NADK: variants seen among roughly 807,000 people sequenced by gnomAD.
NADK encodes the protein poly(P)/ATP NAD kinase.
A neutral mutation model predicts 49.8 loss-of-function variants in NADK; 22 were observed. The ratio of observed to expected loss-of-function variants is 0.44; its 90% CI spans 0.32 to 0.63. The LOEUF is 0.63. NADK is among the 30% of genes least tolerant of loss of function. NADK has a pLI of 0.06. For missense variants in NADK, 438 were observed against 609.4 expected (o/e 0.72, Z 2.96); for synonymous variants, 268 against 253.7 (o/e 1.06, Z -0.54).
rs1358932288 is a variant in NADK, at chr1:1,769,550, C to CA, written c.-40-4105dup. On this transcript the variant is annotated intron_variant, in intron 1 of 11. Coordinates refer to ENST00000341426, the MANE Select transcript of NADK (RefSeq NM_023018.5). ...TGGGCAACAGAGCGAGACTCCGTCT[C>CA]AAAAAAAAAACAAAAAACAAAAAAC... 6.3e-3 allele frequency among the ~76,000 whole-genome samples: 899 copies of CA among 142,656 alleles called. 3 individuals carry two copies. The highest frequency in any genetic ancestry group is 0.016 in the African/African-American group (619 of 38,852). 93.6% of individuals were successfully genotyped at this position (142,656 alleles called of 152,430 possible).
intron 3 of NADK, among the ~76,000 whole-genome samples, chr1:1,761,485 C>G (rs1298005681): frequency 2.0e-5 from 3 of 152,220 alleles, no homozygotes; most frequent in African/African-American, 7.2e-5. Context: ...TTGCGTTTTT[C>G]CCATGACACT....
Position 1,754,693 on chromosome 1 carries a change from C to A in NADK, c.694G>T (p.Ala232Ser). 1 of 1,610,734 alleles carries A rather than the reference C, an allele frequency of 6.2e-7. No homozygotes were observed. ...AGCCGACTCCGGAGAACAACAGCTG[C>A]GTTCCCTGAGGTCCAGCAGGAGTCA... ...SQVTQVIEGN[A>S]AVVLRSRLKV... is the part of the protein sequence containing the mutation. The change falls in exon 8 of 12, where the codon GCA becomes TCA. Residue 232 changes from alanine to serine, a missense_variant. Ala to Ser is a moderately conservative substitution (Grantham distance 99). Transcript: ENST00000341426. The surrounding 1 kb of genome is among the most constrained non-coding windows in gnomAD (Gnocchi z 4.3).
chr1:1,768,321 T>C (rs1645946643), intron 1 of NADK, among the ~76,000 whole-genome samples: 1 of 151,820 alleles, frequency 6.6e-6, no homozygotes, highest in South Asian at 2.1e-4. Context: ...GAGGATCACT[T>C]GAGGCCAGGA....
At chr1:1,755,869 A>G (rs931599161) in intron 6 of NADK, 34 of 442,412 alleles carry the variant, frequency 7.7e-5, no homozygotes, top group African/African-American at 5.9e-4. Flanking sequence ...GCAGTGGGCC[A>G]AGGGCAGAGC....
At chr1:1,763,792 C>A (rs542040686) in intron 2 of NADK, among the ~76,000 whole-genome samples, 1 of 152,108 alleles carries the variant, frequency 6.6e-6, no homozygotes, top group South Asian at 2.1e-4. Flanking sequence ...CCTCCTCCCC[C>A]ACCTCACCCT....
At chr1:1,758,896 G>A (rs552516684) in intron 3 of NADK, among the ~76,000 whole-genome samples, 22 of 152,266 alleles carry the variant, frequency 1.4e-4, no homozygotes, top group South Asian at 4.1e-4. Context: ...TCTGGCCCGC[G>A]GAACCGGCTG....
At chr1:1,760,519 G>C (rs1645686540) in intron 3 of NADK, among the ~76,000 whole-genome samples, 1 of 152,130 alleles carries the variant, frequency 6.6e-6, no homozygotes, top group Admixed American at 6.5e-5. Flanking sequence ...ACCGGTGCCT[G>C]TCAGCAAAGG....
At chr1:1,753,943 C>G (rs532498007) in intron 10 of NADK, 108 bp downstream of exon 10, 2 of 1,386,162 alleles carry the variant, frequency 1.4e-6, no homozygotes, top group Non-Finnish European at 1.9e-6. Flanking sequence ...GACGAGGCCG[C>G]GTCTGAGGCT....
chr1:1,757,399 T>TC, intron 3 of NADK, 89 bp from the exon 4 acceptor site: 8 of 1,239,092 alleles, frequency 6.5e-6, no homozygotes, highest in Non-Finnish European at 9.1e-6. Context: ...AAAAAAATCT[T>TC]TAAAAAGGTG....
intron 1 of NADK, among the ~76,000 whole-genome samples, chr1:1,767,228 C>G (rs1199559302): frequency 6.6e-6 from 1 of 152,162 alleles, no homozygotes; most frequent in Non-Finnish European, 1.5e-5. Flanking sequence ...AGAACCTCAT[C>G]TTCTGACCAC....
intron 2 of NADK, 126 bp downstream of exon 2, chr1:1,765,102 G>T: frequency 1.0e-6 from 1 of 969,514 alleles, no homozygotes; most frequent in Non-Finnish European, 1.5e-6. Flanking sequence ...CCTGGGCAAG[G>T]ACCCAGCCTC....
intron 1 of NADK, among the ~76,000 whole-genome samples, chr1:1,773,359 T>A (rs993829511): frequency 1.3e-5 from 2 of 149,482 alleles, no homozygotes; most frequent in African/African-American, 2.4e-5. Context: ...AGGTTGGTCC[T>A]CAAACTCCTG....
rs1194515042 is a variant in NADK, at chr1:1,752,714, T to C, written c.*190A>G. 2 of 645,478 alleles carry C rather than the reference T, an allele frequency of 3.1e-6. No homozygotes were observed. Among genetic ancestry groups the C allele is most frequent in the Non-Finnish European group, 5.0e-6 (2 of 397,992 alleles). The allele number at this position is 645,478 out of a possible 1,614,324, so 40.0% of individuals were successfully genotyped here. ...CCCATTTCTCACGCTTCTTTAGAAATGCAAAAAAAGTCAGACATTTTAAAA... is the reference window on the plus strand; with the variant it reads ...CCCATTTCTCACGCTTCTTTAGAAACGCAAAAAAAGTCAGACATTTTAAAA... On this transcript the variant is annotated 3_prime_UTR_variant, in exon 12 of 12. Transcript: ENST00000341426.
Position 1,753,619 on chromosome 1 carries a change from C to G in NADK, c.1132G>C (p.Ala378Pro). 1.2e-6 allele frequency: 2 copies of G among 1,612,450 alleles called. No homozygotes were observed. Among genetic ancestry groups the G allele is most frequent in the Non-Finnish European group, 1.7e-6 (2 of 1,179,218 alleles). ...IMLSPEARNT[A>P]WVSFDGRKRQ... Reference sequence around the variant, plus strand: ...TTCCGTCCATCAAAGGACACCCATGCTGTGTTCCTTGCTTCAGGTGACAGC... The same window carrying G: ...TTCCGTCCATCAAAGGACACCCATGGTGTGTTCCTTGCTTCAGGTGACAGC... The change falls in exon 11 of 12, where the codon GCA becomes CCA. Residue 378 changes from alanine (A) to proline (P), a missense_variant. Physicochemically the swap from Ala to Pro is conservative, Grantham distance 27. Transcript: ENST00000341426.
chr1:1,755,029 C>T, intron 7 of NADK: 1 of 399,720 alleles, frequency 2.5e-6, no homozygotes, highest in Non-Finnish European at 4.5e-6. Context: ...ACCGTGTTGG[C>T]CAGGATGGTC....
At chr1:1,773,676 T>TTA (rs1646118207) in intron 1 of NADK, among the ~76,000 whole-genome samples, 8 of 116,612 alleles carry the variant, frequency 6.9e-5, no homozygotes, top group Non-Finnish European at 1.3e-4. Context: ...AAGCTCTATT[T>TTA]TGTGTGTGTG....
chr1:1,772,058 C>A (rs1215974364), intron 1 of NADK, among the ~76,000 whole-genome samples: 2 of 152,052 alleles, frequency 1.3e-5, no homozygotes, highest in African/African-American at 4.8e-5. Context: ...ATCCTCCCAC[C>A]TTGGCCTTCC....
At chr1:1,775,625 TGAA>T (rs1257454849) in intron 1 of NADK, among the ~76,000 whole-genome samples, 2 of 152,202 alleles carry the variant, frequency 1.3e-5, no homozygotes, top group Admixed American at 1.3e-4. Context: ...TAGGGGCAGA[TGAA>T]GAAAACAGGG....
rs566700015 is a variant in NADK, at chr1:1,758,169, C to T, written c.264-859G>A. Among the ~76,000 whole-genome samples the T allele has an allele frequency of 1.1e-4, 16 of 152,332 alleles. No individual in the cohort carries two copies. The East Asian group carries it at 2.9e-3, about 28-fold the overall frequency. ...CCCAAAGGACAAGTTCTTATACCAC[C>T]GCGCCAGCCAGCTAGTTCCAAGTTG... On this transcript the variant is annotated intron_variant, in intron 3 of 11. Coordinates refer to ENST00000341426, the MANE Select transcript of NADK (RefSeq NM_023018.5).
Sources: allele counts gnomAD v4.1 joint callset (sites outside exome capture counted in the v4.1 genomes callset), GRCh38; gene constraint gnomAD v4.1.1; non-coding constraint Gnocchi (gnomAD v3.1); transcripts MANE v1.5; gene names NCBI Gene and HGNC (gene_info 2026-07-23, HGNC 2026-07-21).